The following PAK6 variants were observed in gnomAD, a reference collection of about 807,000 sequenced individuals.
The protein encoded by PAK6 is p21 (RAC1) activated kinase 6.
PAK6 carries 33 observed loss-of-function variants against 60.8 expected under a neutral mutation model. The observed-to-expected ratio is 0.54, with a 90% CI of 0.41 to 0.73. PAK6 has a LOEUF of 0.73. PAK6 is among the 30% of genes least tolerant of loss of function. The pLI, the probability that PAK6 is intolerant of heterozygous loss-of-function variation, is 0.00. For synonymous variants in PAK6, 404 were observed against 378.5 expected (o/e 1.07, Z -0.78); for missense variants, 845 against 904.1 (o/e 0.93, Z 0.84).
In PAK6 at chr15:40,242,604, G is replaced by C. The variant is rs568919458; in HGVS notation, c.-118+1923G>C. On this transcript the variant is annotated intron_variant, in intron 2 of 10. Transcript: ENST00000560346. ...AGGTTGGGGAGGAGCATTGCAAATG[G>C]AAGCTTCTGAGGGCAGAATGAGTTC... Among the ~76,000 whole-genome samples, 14 of 152,338 alleles carry C rather than the reference G, an allele frequency of 9.2e-5. No homozygotes were observed. The East Asian group carries it at 2.7e-3, about 29-fold the overall frequency.
At chr15:40,247,702 G>A (rs1013741149) in intron 2 of PAK6, among the ~76,000 whole-genome samples, 2 of 152,160 alleles carry the variant, frequency 1.3e-5, no homozygotes, top group Non-Finnish European at 2.9e-5. Context: ...CAGCCGGGCG[G>A]GGACCCATGG....
intron 2 of PAK6, among the ~76,000 whole-genome samples, chr15:40,241,123 C>A (rs936307246): frequency 6.6e-6 from 1 of 152,196 alleles, no homozygotes; most frequent in African/African-American, 2.4e-5. Flanking sequence ...AGCATCAGGG[C>A]AGGTTCAGGG....
At chr15:40,252,174 G>A (rs931541119) in intron 2 of PAK6, 1 of 853,620 alleles carries the variant, frequency 1.2e-6, no homozygotes, top group African/African-American at 1.8e-5. Context: ...GGGCTCTCCA[G>A]GATGTGTGGG....
At chr15:40,248,120 A>T (rs1202777568) in intron 2 of PAK6, among the ~76,000 whole-genome samples, 1 of 152,178 alleles carries the variant, frequency 6.6e-6, no homozygotes, top group East Asian at 1.9e-4. Context: ...GCGAGGCAAG[A>T]GGGCTCCCGT....
intron 5 of PAK6, among the ~76,000 whole-genome samples, chr15:40,268,423 C>G (rs574946291): frequency 6.6e-6 from 1 of 152,172 alleles, no homozygotes; most frequent in African/African-American, 2.4e-5. Context: ...AAATGTCACT[C>G]GAGCACACCC....
chr15:40,264,422 AT>A, intron 3 of PAK6: 1 of 472,380 alleles, frequency 2.1e-6, no homozygotes, highest in South Asian at 1.6e-5. Context: ...CTCTTTCCCC[AT>A]TTTTAAAATT....
chr15:40,252,210 C>A, intron 2 of PAK6: 1 of 1,150,568 alleles, frequency 8.7e-7, no homozygotes, highest in Admixed American at 3.7e-5. Flanking sequence ...CGCTCAGGTC[C>A]GGGAGAGTCG....
chr15:40,264,649 T>A, intron 3 of PAK6, 132 bp from the exon 4 acceptor site: 1 of 722,002 alleles, frequency 1.4e-6, no homozygotes, highest in Non-Finnish European at 2.4e-6. Flanking sequence ...GAGATGGAGG[T>A]GGAGGGAAGC....
chr15:40,256,441 G>A (rs2038836576), intron 3 of PAK6, among the ~76,000 whole-genome samples: 1 of 152,218 alleles, frequency 6.6e-6, no homozygotes, highest in Non-Finnish European at 1.5e-5. Context: ...GCAGGTCTCA[G>A]CATGTCAGGG....
intron 2 of PAK6, chr15:40,246,697 A>G (rs1469262307): frequency 2.0e-5 from 3 of 152,250 alleles, no homozygotes; most frequent in Non-Finnish European, 2.9e-5. Flanking sequence ...GTTCAAATAC[A>G]TGTCCCAGCA....
intron 5 of PAK6, chr15:40,266,751 G>T (rs950948310): frequency 4.7e-6 from 2 of 426,434 alleles, no homozygotes; most frequent in Non-Finnish European, 8.3e-6. Context: ...CAAGTGTGTG[G>T]CCATAGGAAA....
chr15:40,261,234 A>T (rs2038977599), intron 3 of PAK6, among the ~76,000 whole-genome samples: 1 of 150,224 alleles, frequency 6.7e-6, no homozygotes. Context: ...AATCCAGTTG[A>T]TTTTTTAAAA....
chr15:40,276,973 T>G (rs1211830020), exon 11 of PAK6: 1 of 152,080 alleles, frequency 6.6e-6, no homozygotes, highest in African/African-American at 2.4e-5. Context: ...AGTCTAACAC[T>G]CCTGGGAGCT....
intron 3 of PAK6, among the ~76,000 whole-genome samples, chr15:40,257,797 T>C (rs893641358): frequency 6.6e-6 from 1 of 151,574 alleles, no homozygotes; most frequent in African/African-American, 2.4e-5. Context: ...TTGAGGAGGG[T>C]GGCCCACCCA....
At chr15:40,266,343 T>C in exon 5 of PAK6, 1 of 1,612,436 alleles carries the variant, frequency 6.2e-7, no homozygotes, top group African/African-American at 1.3e-5. Context: ...CCTGGTGGGC[T>C]CAGCCACAGG....
In PAK6 at chr15:40,272,662, G is replaced by C; in HGVS notation, c.1297G>C (p.Val433Leu). ...CCGGGAGAAGCACTCGGGCCGCCAG[G>C]TGGCCGTCAAGATGATGGACCTCAG... Residue 433 changes from valine to leucine, a missense_variant, in exon 6 of 11, where the codon GTG (valine) becomes CTG (leucine). Physicochemically the swap from Val to Leu is conservative, Grantham distance 32 (BLOSUM62 1). Transcript: ENST00000560346. 6.2e-7 allele frequency: 1 copy of C among 1,605,462 alleles called. No homozygotes were observed. Among genetic ancestry groups the C allele is most frequent in the South Asian group, 1.1e-5 (1 of 91,042 alleles).
chr15:40,275,280 G>GTTTTCTTTTTTTTTTTT (rs1448905930), intron 10 of PAK6, among the ~76,000 whole-genome samples: 11 of 56,486 alleles, frequency 1.9e-4, no homozygotes, highest in Non-Finnish European at 3.1e-4. Context: ...GTTGTTGTTG[G>GTTTTCTTTTTTTTTTTT]TTTTTTTTTT....
chr15:40,272,439 G>C, exon 6 of PAK6: 1 of 1,613,656 alleles, frequency 6.2e-7, no homozygotes. Flanking sequence ...GGCACGCCCA[G>C]ATCAGCACCA....
exon 11 of PAK6, chr15:40,275,930 T>G: frequency 6.2e-7 from 1 of 1,610,898 alleles, no homozygotes. Context: ...TCTACAGGTC[T>G]CCCCAGTGCT....
Sources: gnomAD v4.1 joint callset for allele counts (sites outside exome capture counted in the v4.1 genomes callset) on GRCh38, gnomAD v4.1.1 for gene constraint, MANE v1.5 for transcripts, NCBI Gene and HGNC (gene_info 2026-07-23, HGNC 2026-07-21) for gene names.